The following GREB1 variants were observed in gnomAD, a reference collection of about 807,000 sequenced individuals.
GREB1 encodes growth regulating estrogen receptor binding 1.
A neutral mutation model predicts 200.7 loss-of-function variants in GREB1; 106 were observed. That is an observed-to-expected ratio of 0.53 (90% CI 0.45 to 0.62). GREB1 has a LOEUF of 0.62. GREB1 is among the 20% of genes least tolerant of loss of function. GREB1 has a pLI of 0.00. For synonymous variants in GREB1, 1,132 were observed against 1,092.4 expected, an observed-to-expected ratio of 1.04 and a Z score of -0.72; for missense variants, 2,243 against 2,556.8, an observed-to-expected ratio of 0.88 and a Z score of 2.65.
rs1685018392 is a variant in GREB1 at position 11,633,097 on chromosome 2, C to G, written c.4991+34C>G. ...ACCTGAGAGCACCACCTCCTGCCAC[C>G]CTACGAATGATGACCAACGAGTGTG... On this transcript the variant is annotated intron_variant, in intron 28 of 32. Transcript: ENST00000381486. The surrounding 1 kb of genome is among the most constrained non-coding windows in gnomAD (Gnocchi z 4.1). The G allele has an allele frequency of 6.2e-7, 1 of 1,605,552 alleles. No individual in the cohort carries two copies. Among genetic ancestry groups the G allele is most frequent in the African/African-American group, 1.3e-5 (1 of 74,712 alleles).
At chr2:11,520,005 C>T (rs1386856794) in intron 1 of GREB1, among the ~76,000 whole-genome samples, 1 of 152,016 alleles carries the variant, frequency 6.6e-6, no homozygotes, top group Admixed American at 6.6e-5. Flanking sequence ...AGGCATGGTG[C>T]CTTGGGTTTG....
intron 7 of GREB1, among the ~76,000 whole-genome samples, chr2:11,584,020 T>G (rs1679799349): frequency 6.6e-6 from 1 of 152,140 alleles, no homozygotes; most frequent in African/African-American, 2.4e-5. Flanking sequence ...GGAGAACCGT[T>G]GCTCTGATTG....
rs950210582 is a variant in GREB1 at position 11,593,222 on chromosome 2, CG to C, written c.1696+99del. On this transcript the variant is annotated intron_variant, in intron 11 of 32. Coordinates refer to ENST00000381486, the MANE Select transcript of GREB1 (RefSeq NM_014668.4). ...CTCTCCCTTTCTGTCTAGGGTGGCC[CG>C]GGTTTGCAGCAGCAGTTAGCACCTG... The C allele has an allele frequency of 5.3e-5, 47 of 881,624 alleles. No individual in the cohort carries two copies. The African/African-American group carries it at 8.1e-4, about 15-fold the overall frequency. The allele number at this position is 881,624 out of a possible 1,614,324, so 54.6% of individuals were successfully genotyped here. A position where few individuals can be genotyped will look rare whatever the true frequency, so the allele number is the denominator to read the frequency against.
At position 11,535,913 on chromosome 2, in the gene GREB1, C is replaced by T. The variant is rs114264620; in HGVS notation, c.-162+1659C>T. Among the ~76,000 whole-genome samples the T allele has an allele frequency of 5.9e-3, 897 of 152,272 alleles. 6 individuals carry two copies. The highest frequency in any genetic ancestry group is 0.02 in the African/African-American group (839 of 41,534). On this transcript the variant is annotated intron_variant, in intron 1 of 32. Coordinates refer to ENST00000381486, the MANE Select transcript of GREB1 (RefSeq NM_014668.4). ...TCTTCTTTCTTCTTGCTGCCCTGAACTCTTTTTTTTTTCCCTGTAAAATGC... is the reference window on the plus strand; with the variant it reads ...TCTTCTTTCTTCTTGCTGCCCTGAATTCTTTTTTTTTTCCCTGTAAAATGC...
intron 12 of GREB1, 57 bp downstream of exon 12, chr2:11,595,436 C>G: frequency 6.4e-7 from 1 of 1,559,850 alleles, no homozygotes; most frequent in Non-Finnish European, 8.8e-7. Context: ...GTAATCAGTG[C>G]CGGGGGAGGT....
At chr2:11,638,127 C>T (rs1367293147) in intron 31 of GREB1, among the ~76,000 whole-genome samples, 1 of 152,098 alleles carries the variant, frequency 6.6e-6, no homozygotes, top group Non-Finnish European at 1.5e-5. Context: ...GATGCCCAAA[C>T]TTTTGTTTGT....
At chr2:11,541,898 C>T (rs891770823) in intron 1 of GREB1, among the ~76,000 whole-genome samples, 5 of 152,166 alleles carry the variant, frequency 3.3e-5, no homozygotes, top group Non-Finnish European at 5.9e-5. Context: ...ATACGTTCTG[C>T]CTGGAAAGCC....
At chr2:11,503,119 C>G (rs969466189) in intron 1 of GREB1, among the ~76,000 whole-genome samples, 1 of 42,520 alleles carries the variant, frequency 2.4e-5, no homozygotes, top group Non-Finnish European at 4.7e-5. Context: ...ATCTTATTTC[C>G]CCACCTGGCT....
At chr2:11,628,095 C>T (rs541872787) in intron 25 of GREB1, among the ~76,000 whole-genome samples, 169 of 152,154 alleles carry the variant, frequency 1.1e-3, no homozygotes, top group Non-Finnish European at 1.4e-3. Flanking sequence ...GCCTGGTGGG[C>T]ACTGTGGGGA....
chr2:11,558,420 C>T (rs1038251152), intron 2 of GREB1, among the ~76,000 whole-genome samples: 6 of 152,320 alleles, frequency 3.9e-5, no homozygotes, highest in Non-Finnish European at 2.9e-5. Context: ...CCAGGGACAG[C>T]GCTGAGGCTT....
intron 9 of GREB1, among the ~76,000 whole-genome samples, chr2:11,587,064 C>T (rs924975656): frequency 6.6e-6 from 1 of 152,202 alleles, no homozygotes; most frequent in African/African-American, 2.4e-5. Flanking sequence ...GAAAGCCCAG[C>T]AAGTCTACGT....
Position 11,640,711 on chromosome 2 carries a change from A to G in GREB1, c.*257A>G, listed in dbSNP as rs1412078208. On this transcript the variant is annotated 3_prime_UTR_variant, in exon 33 of 33. Coordinates refer to ENST00000381486, the MANE Select transcript of GREB1 (RefSeq NM_014668.4). The surrounding 1 kb of genome is among the most constrained non-coding windows in gnomAD (Gnocchi z 4.6). ...ATTGCTCTGGGCTGTTTTAAAGCCC[A>G]TTTCACGAGGAACAAAGATTTACTT... 1.1e-5 allele frequency: 5 copies of G among 447,584 alleles called. No individual in the cohort carries two copies. Among genetic ancestry groups the G allele is most frequent in the East Asian group, 8.4e-5 (2 of 23,910 alleles). The allele number at this position is 447,584 out of a possible 1,614,324, so 27.7% of individuals were successfully genotyped here.
At chr2:11,582,907 G>A (rs1398246502) in intron 7 of GREB1, among the ~76,000 whole-genome samples, 1 of 152,176 alleles carries the variant, frequency 6.6e-6, no homozygotes, top group African/African-American at 2.4e-5. Flanking sequence ...TGGGGGCGGG[G>A]GTAGGAAATG....
chr2:11,601,134 T>A, intron 16 of GREB1, 139 bp downstream of exon 16: 1 of 678,496 alleles, frequency 1.5e-6, no homozygotes, highest in Non-Finnish European at 2.4e-6. Flanking sequence ...AACCCAGAGT[T>A]AGGTTGTAAA....
At chr2:11,526,630 A>G (rs1166835849) in intron 1 of GREB1, among the ~76,000 whole-genome samples, 1 of 148,494 alleles carries the variant, frequency 6.7e-6, no homozygotes, top group Non-Finnish European at 1.5e-5. Context: ...ATCTTGGCTC[A>G]CTGCAACCTC....
At chr2:11,605,565 T>C (rs1002251550) in intron 17 of GREB1, among the ~76,000 whole-genome samples, 2 of 152,184 alleles carry the variant, frequency 1.3e-5, no homozygotes, top group Non-Finnish European at 2.9e-5. Flanking sequence ...GATCCACGTA[T>C]AGACTGGTCA....
rs991848683 is a variant in GREB1, at chr2:11,592,177, T to C, written c.1346-599T>C. 7.2e-6 allele frequency: 5 copies of C among 690,288 alleles called. No individual in the cohort carries two copies. The African/African-American group carries it at 8.5e-5, about 12-fold the overall frequency. The allele number at this position is 690,288 out of a possible 1,614,324, so 42.8% of individuals were successfully genotyped here. On this transcript the variant is annotated intron_variant, in intron 10 of 32. Transcript: ENST00000381486. ...AAGCTATGGGAATTTGGCTTCCTAC[T>C]TTTTTTTTTCTTTTTTTTTTTTTTT...
intron 29 of GREB1, 89 bp from the exon 30 acceptor site, chr2:11,635,181 A>G: frequency 1.3e-6 from 2 of 1,513,444 alleles, no homozygotes; most frequent in African/African-American, 2.7e-5. Context: ...GCCCCCTACG[A>G]TGGGGACCCA....
At chr2:11,524,266 G>A (rs1673799247) in intron 1 of GREB1, among the ~76,000 whole-genome samples, 1 of 152,204 alleles carries the variant, frequency 6.6e-6, no homozygotes, top group African/African-American at 2.4e-5. Flanking sequence ...GAAGGAGGTG[G>A]GCTGGGGCTT....
Sources: allele counts gnomAD v4.1 joint callset (sites outside exome capture counted in the v4.1 genomes callset), GRCh38; gene constraint gnomAD v4.1.1; non-coding constraint Gnocchi (gnomAD v3.1); transcripts MANE v1.5; gene names NCBI Gene and HGNC (gene_info 2026-07-23, HGNC 2026-07-21).